The following JMJD1C variants were observed in gnomAD, a reference collection of about 807,000 sequenced individuals.
JMJD1C encodes the protein jumonji domain containing 1C.
JMJD1C carries 31 observed loss-of-function variants against 245.3 expected under a neutral mutation model. That is an observed-to-expected ratio of 0.13 (90% confidence interval 0.09 to 0.17). JMJD1C has a LOEUF of 0.17. JMJD1C is among the 10% of genes least tolerant of loss of function. The pLI is 1.00. For synonymous variants in JMJD1C, 1,057 were observed against 1,017.4 expected (o/e 1.04, Z -0.74); for missense variants, 2,691 against 3,000.2 (o/e 0.90, Z 2.41).
intron 1 of JMJD1C, among the ~76,000 whole-genome samples, chr10:63,440,524 T>C (rs1436144373): frequency 6.6e-6 from 1 of 152,062 alleles, no homozygotes; most frequent in Non-Finnish European, 1.5e-5. Context: ...TCTAATTACA[T>C]TGTTTTTCAT....
intron 1 of JMJD1C, among the ~76,000 whole-genome samples, chr10:63,394,365 C>G (rs994764549): frequency 3.9e-5 from 6 of 152,104 alleles, no homozygotes; most frequent in Admixed American, 3.9e-4. Context: ...ACAAATGATA[C>G]TTCGATAACT....
chr10:63,442,382 A>G (rs1951442123), intron 1 of JMJD1C, among the ~76,000 whole-genome samples: 1 of 152,236 alleles, frequency 6.6e-6, no homozygotes, highest in Non-Finnish European at 1.5e-5. Context: ...AATGTTGAAT[A>G]TATATGAAGA....
rs1295773937 is a variant in JMJD1C at position 63,189,270 on chromosome 10, A to G, written c.6468T>C (p.Asp2156=). The change falls in exon 18 of 26, where the codon GAT becomes GAC. Residue 2156 remains aspartate (D), a synonymous_variant. Coordinates refer to ENST00000399262, the MANE Select transcript of JMJD1C (RefSeq NM_032776.3). ...AVDENNKLYS[D]IPHSWICEKH... is the part of the protein sequence containing the mutation. ...TCTCACAGATCCAAGAATGTGGTAT[A>G]TCACTGTATAATTTATTATTTTCAT... 5 of 1,613,070 alleles carry G rather than the reference A, an allele frequency of 3.1e-6. No individual in the cohort carries two copies. The highest frequency in any genetic ancestry group is 2.7e-5 in the African/African-American group (2 of 74,904).
At chr10:63,465,424 GC>G (rs1381574597) in intron 1 of JMJD1C, 70 bp downstream of exon 1, 3 of 1,422,084 alleles carry the variant, frequency 2.1e-6, no homozygotes, top group Non-Finnish European at 2.8e-6. Context: ...CCAGAGGGAA[GC>G]CTGCAAGGTA....
At chr10:63,387,813 T>C (rs2134568021) in intron 1 of JMJD1C, among the ~76,000 whole-genome samples, 1 of 151,636 alleles carries the variant, frequency 6.6e-6, no homozygotes. Flanking sequence ...TTTTTTGTAT[T>C]TTTAGTAGAG....
intron 1 of JMJD1C, among the ~76,000 whole-genome samples, chr10:63,437,433 TTCTTC>T (rs1368427417): frequency 6.6e-6 from 1 of 152,158 alleles, no homozygotes; most frequent in Admixed American, 6.5e-5. Flanking sequence ...CAGTATCTCT[TTCTTC>T]TCTTCTATTA....
At chr10:63,412,066 T>C (rs990712181) in intron 1 of JMJD1C, among the ~76,000 whole-genome samples, 1 of 151,916 alleles carries the variant, frequency 6.6e-6, no homozygotes, top group East Asian at 1.9e-4. Context: ...CAGCCAAAAA[T>C]GTGTTTTTTA....
chr10:63,454,075 T>C lies in JMJD1C; in HGVS notation c.168+11420A>G, dbSNP rs182507740. Among the ~76,000 whole-genome samples, 7 of 152,214 alleles carry C rather than the reference T, an allele frequency of 4.6e-5. 1 individual carries two copies. In the South Asian group the frequency reaches 8.3e-4, roughly 18 times the overall value. On this transcript the variant is annotated intron_variant, in intron 1 of 25. Transcript: ENST00000399262. ...TTTTTCTACTAGTCAGAAAATTACATGTTTTAATTTTTAACTTTTTAATGG... is the reference window on the plus strand; with the variant it reads ...TTTTTCTACTAGTCAGAAAATTACACGTTTTAATTTTTAACTTTTTAATGG...
chr10:63,373,224 C>T lies in JMJD1C; in HGVS notation c.333+7094G>A, dbSNP rs1946448996. Among the ~76,000 whole-genome samples the T allele has an allele frequency of 1.3e-5, 2 of 152,150 alleles. 1 individual carries two copies. Among genetic ancestry groups the T allele is most frequent in the South Asian group, 4.1e-4 (2 of 4,834 alleles). ...AGCATTAGAATGGCCTCAAGTGGTA[C>T]TCTGATTGTACAGGACCAAGCAAAA... On this transcript the variant is annotated intron_variant, in intron 2 of 25. Transcript: ENST00000399262.
At chr10:63,360,271 G>A (rs1714807331) in intron 2 of JMJD1C, among the ~76,000 whole-genome samples, 1 of 152,134 alleles carries the variant, frequency 6.6e-6, no homozygotes, top group African/African-American at 2.4e-5. Flanking sequence ...TGAGGTAGAA[G>A]CATCACTTGA....
chr10:63,248,919 TG>T (rs761491866), intron 3 of JMJD1C, among the ~76,000 whole-genome samples: 12 of 152,218 alleles, frequency 7.9e-5, no homozygotes, highest in Non-Finnish European at 1.6e-4. Context: ...ACTTGTTATG[TG>T]CCACAACATG....
chr10:63,208,845 G>T, intron 9 of JMJD1C, 44 bp from the exon 10 acceptor site: 1 of 1,458,428 alleles, frequency 6.9e-7, no homozygotes, highest in Non-Finnish European at 9.2e-7. Context: ...ACTTTTTCCT[G>T]CAAAATACAA....
intron 2 of JMJD1C, among the ~76,000 whole-genome samples, chr10:63,299,398 G>C (rs1859823935): frequency 6.9e-6 from 1 of 144,234 alleles, no homozygotes; most frequent in African/African-American, 2.6e-5. Flanking sequence ...CACCATGTTG[G>C]CAAGGCTGGT....
At chr10:63,306,763 G>C (rs1434222478) in intron 2 of JMJD1C, among the ~76,000 whole-genome samples, 1 of 152,056 alleles carries the variant, frequency 6.6e-6, no homozygotes, top group African/African-American at 2.4e-5. Context: ...GTATTATTGA[G>C]ATAACAGACG....
chr10:63,196,599 G>C (rs573678591), intron 13 of JMJD1C, among the ~76,000 whole-genome samples: 2 of 152,118 alleles, frequency 1.3e-5, no homozygotes, highest in African/African-American at 4.8e-5. Flanking sequence ...ACACTACTCT[G>C]AAAAAAGAGC....
intron 18 of JMJD1C, among the ~76,000 whole-genome samples, chr10:63,186,961 G>A (rs1844202568): frequency 6.6e-6 from 1 of 152,134 alleles, no homozygotes; most frequent in Non-Finnish European, 1.5e-5. Flanking sequence ...AGGCTGAGCT[G>A]GGAGGATTGC....
At chr10:63,497,818 G>A (rs1357908410) in intron 1 of JMJD1C, among the ~76,000 whole-genome samples, 1 of 152,146 alleles carries the variant, frequency 6.6e-6, no homozygotes, top group Non-Finnish European at 1.5e-5. Flanking sequence ...GGAAAGTGGA[G>A]GCGCAAGTAG....
intron 2 of JMJD1C, among the ~76,000 whole-genome samples, chr10:63,360,646 A>G (rs1945246932): frequency 6.6e-6 from 1 of 152,214 alleles, no homozygotes; most frequent in African/African-American, 2.4e-5. Flanking sequence ...TAGAATTCTT[A>G]CCAGATAGGC....
chr10:63,323,604 T>G (rs957465049), intron 2 of JMJD1C, among the ~76,000 whole-genome samples: 3 of 152,056 alleles, frequency 2.0e-5, no homozygotes, highest in Non-Finnish European at 2.9e-5. Flanking sequence ...AAACCAGAAG[T>G]CATACTGATA....
Sources: allele counts gnomAD v4.1 joint callset (sites outside exome capture counted in the v4.1 genomes callset), GRCh38; gene constraint gnomAD v4.1.1; transcripts MANE v1.5; gene names NCBI Gene and HGNC (gene_info 2026-07-23, HGNC 2026-07-21).